CTNND2: variants seen among roughly 807,000 people sequenced by gnomAD.
CTNND2 encodes catenin delta-2.
Under a neutral mutation model 144.4 loss-of-function variants are expected in CTNND2, and 22 were observed. That is an observed-to-expected ratio of 0.15 (90% CI 0.11 to 0.22). The LOEUF (loss-of-function observed/expected upper bound fraction) is 0.22, where lower values mean the gene tolerates loss of function less well. CTNND2 is among the 10% of genes least tolerant of loss of function. CTNND2 has a pLI of 1.00. For missense variants in CTNND2, 1,353 were observed against 1,618.8 expected (o/e 0.84, Z 2.82); for synonymous variants, 751 against 695.6 (o/e 1.08, Z -1.25).
chr5:11,800,833 A>C (rs1725156303), intron 1 of CTNND2, among the ~76,000 whole-genome samples: 2 of 152,204 alleles, frequency 1.3e-5, no homozygotes. Context: ...AGTAATAGAT[A>C]CTTTATAAGT....
intron 9 of CTNND2, among the ~76,000 whole-genome samples, chr5:11,256,713 A>T (rs999896698): frequency 2.0e-5 from 3 of 152,214 alleles, no homozygotes; most frequent in Non-Finnish European, 4.4e-5. Context: ...CATTTACGGG[A>T]TACCAATGAG....
intron 1 of CTNND2, among the ~76,000 whole-genome samples, chr5:11,792,086 A>G (rs1791163095): frequency 6.6e-6 from 1 of 152,182 alleles, no homozygotes; most frequent in Non-Finnish European, 1.5e-5. Flanking sequence ...ATTTCTCACC[A>G]TCAATTCTCT....
At chr5:11,410,227 A>G (rs554775655) in intron 5 of CTNND2, among the ~76,000 whole-genome samples, 1 of 152,300 alleles carries the variant, frequency 6.6e-6, no homozygotes, top group African/African-American at 2.4e-5. Context: ...CAAAATACAG[A>G]GAACAAGGAT....
At chr5:11,816,023 G>A (rs1406409855) in intron 1 of CTNND2, among the ~76,000 whole-genome samples, 2 of 152,122 alleles carry the variant, frequency 1.3e-5, no homozygotes, top group Admixed American at 1.3e-4. Flanking sequence ...GAGCCCACGA[G>A]TGTACCCTGG....
intron 9 of CTNND2, among the ~76,000 whole-genome samples, chr5:11,311,655 CCCT>C (rs1456170715): frequency 1.3e-5 from 2 of 148,170 alleles, no homozygotes; most frequent in African/African-American, 5.0e-5. Context: ...TCCCGATATA[CCCT>C]CAACTCATGT....
chr5:11,830,871 G>A (rs1298838661), intron 1 of CTNND2, among the ~76,000 whole-genome samples: 2 of 152,072 alleles, frequency 1.3e-5, no homozygotes, highest in Non-Finnish European at 2.9e-5. Flanking sequence ...AATCTTCAAT[G>A]TAGAAAAATC....
chr5:11,330,509 A>AAG, intron 9 of CTNND2, among the ~76,000 whole-genome samples: 2 of 147,654 alleles, frequency 1.4e-5, no homozygotes, highest in Admixed American at 6.7e-5. Flanking sequence ...AAAAAAAAAA[A>AAG]GAAAGGAAAA....
chr5:11,853,379 C>T (rs1452834371), intron 1 of CTNND2, among the ~76,000 whole-genome samples: 1 of 152,160 alleles, frequency 6.6e-6, no homozygotes, highest in Non-Finnish European at 1.5e-5. Flanking sequence ...CTGTTGTCTC[C>T]CCCTCTCCCT....
Position 11,294,594 on chromosome 5 carries a change from G to C in CTNND2, c.1628+51778C>G, listed in dbSNP as rs145269458. Reference sequence around the variant, plus strand: ...GCTTGACAGTTTCAATAAAATACTGGCAAACTGAATCCAGCAGCACATCAA... The same window carrying C: ...GCTTGACAGTTTCAATAAAATACTGCCAAACTGAATCCAGCAGCACATCAA... On this transcript the variant is annotated intron_variant, in intron 9 of 21. Transcript: ENST00000304623. Among the ~76,000 whole-genome samples the C allele has an allele frequency of 3.6e-3, 543 of 152,202 alleles. 3 individuals carry two copies. Among genetic ancestry groups the C allele is most frequent in the African/African-American group, 0.011 (471 of 41,520 alleles).
At chr5:11,576,026 G>A (rs1255555570) in intron 2 of CTNND2, among the ~76,000 whole-genome samples, 6 of 152,036 alleles carry the variant, frequency 3.9e-5, no homozygotes, top group African/African-American at 7.2e-5. Context: ...CTCACAGAAC[G>A]ACAGCATCAT....
intron 2 of CTNND2, among the ~76,000 whole-genome samples, chr5:11,628,457 C>T (rs1781264504): frequency 6.6e-6 from 1 of 152,106 alleles, no homozygotes; most frequent in Non-Finnish European, 1.5e-5. Context: ...ACTCAGAGGG[C>T]AGAAGTAACC....
At position 11,892,713 on chromosome 5, in the gene CTNND2, C is replaced by A. The variant is rs140191344; in HGVS notation, c.37+11104G>T. ...AGCTAAAAAAAAAAACCTCACATAG[C>A]CACCAAATCCCAGCCCACCACATCT... On this transcript the variant is annotated intron_variant, in intron 1 of 21. Coordinates refer to ENST00000304623, the MANE Select transcript of CTNND2 (RefSeq NM_001332.4). 4.8e-3 allele frequency among the ~76,000 whole-genome samples: 730 copies of A among 151,940 alleles called. 6 individuals are homozygous for A. The highest frequency in any genetic ancestry group is 0.017 in the African/African-American group (693 of 41,456).
At chr5:11,498,907 C>A (rs1770254301) in intron 3 of CTNND2, among the ~76,000 whole-genome samples, 1 of 152,120 alleles carries the variant, frequency 6.6e-6, no homozygotes, top group Non-Finnish European at 1.5e-5. Flanking sequence ...AGTCTAAGAT[C>A]TGGATGTGTG....
chr5:11,152,999 C>T (rs1757882169), intron 12 of CTNND2, among the ~76,000 whole-genome samples: 2 of 152,290 alleles, frequency 1.3e-5, no homozygotes, highest in South Asian at 4.1e-4. Context: ...TGCATTGGCT[C>T]ATTCCTGTAA....
At chr5:11,782,859 G>A (rs1294014286) in intron 1 of CTNND2, among the ~76,000 whole-genome samples, 4 of 152,126 alleles carry the variant, frequency 2.6e-5, no homozygotes, top group African/African-American at 4.8e-5. Context: ...TTCAGGGACC[G>A]AGTAAATAAT....
At chr5:11,717,470 G>C (rs770139075) in intron 2 of CTNND2, among the ~76,000 whole-genome samples, 6 of 151,654 alleles carry the variant, frequency 4.0e-5, no homozygotes, top group Non-Finnish European at 8.8e-5. Flanking sequence ...CCAGCTACTT[G>C]GGAGGCTGAG....
At chr5:11,226,060 T>C (rs1273038847) in intron 10 of CTNND2, among the ~76,000 whole-genome samples, 2 of 152,200 alleles carry the variant, frequency 1.3e-5, no homozygotes, top group Non-Finnish European at 2.9e-5. Flanking sequence ...GATTCCACCC[T>C]GAGTTTCAGA....
intron 11 of CTNND2, among the ~76,000 whole-genome samples, chr5:11,182,265 T>C (rs528391598): frequency 6.6e-6 from 1 of 151,882 alleles, no homozygotes; most frequent in East Asian, 1.9e-4. Context: ...AGTGTGTGCA[T>C]GCACACACCC....
intron 3 of CTNND2, among the ~76,000 whole-genome samples, chr5:11,468,795 T>C (rs545086171): frequency 1.9e-4 from 29 of 152,242 alleles, no homozygotes; most frequent in African/African-American, 6.7e-4. Context: ...GACTCACTCA[T>C]CTTGTCACCT....
Sources: allele counts gnomAD v4.1 joint callset (sites outside exome capture counted in the v4.1 genomes callset), GRCh38; gene constraint gnomAD v4.1.1; transcripts MANE v1.5; gene names NCBI Gene and HGNC (gene_info 2026-07-23, HGNC 2026-07-21).